The following SNX29 variants were observed in gnomAD, a reference collection of about 807,000 sequenced individuals.
The protein encoded by SNX29 is sorting nexin 29, also known as sorting nexin-29.
A neutral mutation model predicts 102.1 loss-of-function variants in SNX29; 78 were observed. The observed-to-expected ratio is 0.76, with a 90% CI of 0.64 to 0.92. The LOEUF (loss-of-function observed/expected upper bound fraction) is 0.92, where lower values mean the gene tolerates loss of function less well. Ranked by LOEUF, SNX29 falls within the 40% of genes least tolerant of loss-of-function variation. The pLI, the probability that SNX29 is intolerant of heterozygous loss-of-function variation, is 0.00. For synonymous variants in SNX29, 580 were observed against 414.5 expected (o/e 1.40, Z -4.85); for missense variants, 1,280 against 1,061.7 (o/e 1.21, Z -2.86).
intron 18 of SNX29, among the ~76,000 whole-genome samples, chr16:12,421,243 A>G (rs2084860141): frequency 6.6e-6 from 1 of 152,244 alleles, no homozygotes; most frequent in Non-Finnish European, 1.5e-5. Context: ...GCTAAGAGTT[A>G]GAAGCCAAAA....
At chr16:12,168,101 C>A (rs568785571) in intron 13 of SNX29, among the ~76,000 whole-genome samples, 1 of 152,240 alleles carries the variant, frequency 6.6e-6, no homozygotes, top group South Asian at 2.1e-4. Context: ...GGTGAGGAGG[C>A]AGACAGTAAT....
chr16:12,541,086 G>A (rs948359118), intron 20 of SNX29, among the ~76,000 whole-genome samples: 1 of 152,174 alleles, frequency 6.6e-6, no homozygotes, highest in Non-Finnish European at 1.5e-5. Flanking sequence ...GCTGCCTCAT[G>A]CATCCACTCC....
At chr16:12,398,567 C>G in intron 17 of SNX29, 66 bp downstream of exon 17, 1 of 1,549,192 alleles carries the variant, frequency 6.5e-7, no homozygotes, top group Non-Finnish European at 8.9e-7. Context: ...GGCTTCTGTC[C>G]CAGAAGACCA....
rs11643010 is a variant in SNX29 at position 12,562,278 on chromosome 16, C to T, written c.2319-6228C>T. On this transcript the variant is annotated intron_variant, in intron 20 of 20. Transcript: ENST00000566228. ...CTAAGCAGCATCCCCATGGGCCACGCTCTATCCCAGCATCAAACGTTATCG... is the reference window on the plus strand; with the variant it reads ...CTAAGCAGCATCCCCATGGGCCACGTTCTATCCCAGCATCAAACGTTATCG... Among the ~76,000 whole-genome samples, 28 of 152,236 alleles carry T rather than the reference C, an allele frequency of 1.8e-4. No homozygotes were observed. The East Asian group carries it at 3.9e-3, about 21-fold the overall frequency.
At chr16:12,127,267 AAAAT>A (rs2054255004) in intron 12 of SNX29, among the ~76,000 whole-genome samples, 1 of 151,774 alleles carries the variant, frequency 6.6e-6, no homozygotes, top group African/African-American at 2.4e-5. Context: ...TCAAAAAAAA[AAAAT>A]AAAATAAAAT....
intron 20 of SNX29, among the ~76,000 whole-genome samples, chr16:12,543,029 C>T (rs577870529): frequency 2.1e-4 from 32 of 152,260 alleles, no homozygotes; most frequent in African/African-American, 6.7e-4. Flanking sequence ...TGGCTGGATC[C>T]AGAGGCTCAA....
At chr16:12,182,189 GTTTTTT>G (rs67550670) in intron 13 of SNX29, among the ~76,000 whole-genome samples, 1 of 122,052 alleles carries the variant, frequency 8.2e-6, no homozygotes, top group Non-Finnish European at 1.7e-5. Flanking sequence ...GCCCGGCCTA[GTTTTTT>G]TTTTTTTTTT....
chr16:12,238,643 G>T (rs2078010625), intron 14 of SNX29, among the ~76,000 whole-genome samples: 1 of 152,204 alleles, frequency 6.6e-6, no homozygotes, highest in Non-Finnish European at 1.5e-5. Context: ...TACTTGTGAG[G>T]AACGTCAGTG....
chr16:12,190,644 G>A (rs1196913015), intron 13 of SNX29, among the ~76,000 whole-genome samples: 1 of 152,206 alleles, frequency 6.6e-6, no homozygotes, highest in Non-Finnish European at 1.5e-5. Context: ...GGGGCAGAAA[G>A]AGCTTGGCTG....
intron 7 of SNX29, among the ~76,000 whole-genome samples, chr16:12,051,447 A>G (rs1025151982): frequency 1.3e-5 from 2 of 152,118 alleles, no homozygotes; most frequent in African/African-American, 4.8e-5. Context: ...GGCATTGCAC[A>G]GGAATGGCAG....
intron 14 of SNX29, among the ~76,000 whole-genome samples, chr16:12,207,561 T>C (rs894598939): frequency 6.6e-6 from 1 of 152,090 alleles, no homozygotes; most frequent in African/African-American, 2.4e-5. Context: ...CTCTCACTGC[T>C]CATCACAGAG....
chr16:11,993,669 C>T (rs1240655955), intron 1 of SNX29, among the ~76,000 whole-genome samples: 1 of 152,070 alleles, frequency 6.6e-6, no homozygotes, highest in Non-Finnish European at 1.5e-5. Context: ...AGGATTCTAA[C>T]CCACACTATC....
intron 20 of SNX29, among the ~76,000 whole-genome samples, chr16:12,550,072 T>C (rs1053884825): frequency 2.6e-5 from 4 of 152,234 alleles, no homozygotes; most frequent in African/African-American, 9.6e-5. Flanking sequence ...TCTCACCCTT[T>C]ATAGGAAGTT....
At chr16:12,506,672 G>A (rs902041858) in intron 19 of SNX29, among the ~76,000 whole-genome samples, 3 of 152,150 alleles carry the variant, frequency 2.0e-5, no homozygotes, top group African/African-American at 7.2e-5. Context: ...TCTTAGAATC[G>A]TGTTCAGCAA....
In SNX29 at chr16:12,129,768, G is replaced by A. The variant is rs2054374676; in HGVS notation, c.1595+10G>A. On this transcript the variant is annotated intron_variant, in intron 13 of 20. Coordinates refer to ENST00000566228, the MANE Select transcript of SNX29 (RefSeq NM_032167.5). ...TCCAGGCGCTGGCCAGGTAGGAGAG[G>A]GTGAGGGATGGAGAGGTAAGCACGT... 1.3e-6 allele frequency: 2 copies of A among 1,599,874 alleles called. No homozygotes were observed. The highest frequency in any genetic ancestry group is 8.5e-7 in the Non-Finnish European group (1 of 1,174,040).
intron 11 of SNX29, chr16:12,087,037 C>T (rs1339982043): frequency 6.6e-6 from 1 of 152,054 alleles, no homozygotes; most frequent in Non-Finnish European, 1.5e-5. Flanking sequence ...ACCATCATAA[C>T]ACTTAAAACT....
At chr16:12,196,791 T>A (rs1005595873) in intron 13 of SNX29, among the ~76,000 whole-genome samples, 1 of 152,004 alleles carries the variant, frequency 6.6e-6, no homozygotes, top group African/African-American at 2.4e-5. Flanking sequence ...CAGCTAATTT[T>A]TGTATTTTCA....
chr16:12,277,430 C>G (rs1222444360), intron 14 of SNX29, among the ~76,000 whole-genome samples: 1 of 152,044 alleles, frequency 6.6e-6, no homozygotes, highest in Non-Finnish European at 1.5e-5. Flanking sequence ...ACCTCCACCC[C>G]CCAAAACAAC....
At chr16:12,053,933 T>G (rs1314115980) in intron 8 of SNX29, among the ~76,000 whole-genome samples, 1 of 152,092 alleles carries the variant, frequency 6.6e-6, no homozygotes, top group African/African-American at 2.4e-5. Context: ...AGATTTGGAT[T>G]CAGGTATGCT....
Sources: allele counts gnomAD v4.1 joint callset (sites outside exome capture counted in the v4.1 genomes callset), GRCh38; gene constraint gnomAD v4.1.1; transcripts MANE v1.5; gene names NCBI Gene and HGNC (gene_info 2026-07-23, HGNC 2026-07-21).